Variants in GFRA1 observed in about 807,000 individuals in gnomAD.
GFRA1 encodes the protein GDNF family receptor alpha-1.
Under a neutral mutation model 51.6 loss-of-function variants are expected in GFRA1, and 16 were observed. The ratio of observed to expected loss-of-function variants is 0.31; its 90% CI spans 0.21 to 0.47. The LOEUF is 0.47. Ranked by LOEUF, GFRA1 falls within the 20% of genes least tolerant of loss-of-function variation. The probability of loss-of-function intolerance (pLI) is 1.00; values close to 1 mark genes in which losing one functional copy is unlikely to be tolerated. For synonymous variants in GFRA1, 270 were observed against 241.3 expected (o/e 1.12, Z -1.10); for missense variants, 530 against 594.3 (o/e 0.89, Z 1.13).
intron 4 of GFRA1, among the ~76,000 whole-genome samples, chr10:116,240,353 A>T (rs1186563366): frequency 2.0e-5 from 3 of 152,162 alleles, no homozygotes; most frequent in Non-Finnish European, 2.9e-5. Context: ...CCTGTAGCTC[A>T]GCTGGCGCTC....
At chr10:116,207,628 C>A (rs1013750562) in intron 5 of GFRA1, among the ~76,000 whole-genome samples, 2 of 151,120 alleles carry the variant, frequency 1.3e-5, no homozygotes, top group Non-Finnish European at 2.9e-5. Flanking sequence ...ATATATATAT[C>A]ATATGCATGT....
Position 116,270,924 on chromosome 10 carries a change from C to A in GFRA1, c.232G>T (p.Ala78Ser). 6.2e-7 allele frequency: 1 copy of A among 1,614,158 alleles called. No homozygotes were observed. Among genetic ancestry groups the A allele is most frequent in the Non-Finnish European group, 8.5e-7 (1 of 1,180,030 alleles). ...TTGTAGAGCGACTTCTGCTTCAGGGCCTCCATGGCGCTGCGGCACTCATCC... is the reference window on the plus strand; with the variant it reads ...TTGTAGAGCGACTTCTGCTTCAGGGACTCCATGGCGCTGCGGCACTCATCC... ...AKDECRSAME[A>S]LKQKSLYNCR... Residue 78 changes from alanine (A) to serine (S), a missense_variant, in exon 3 of 11, where the codon GCC becomes TCC. Ala to Ser is a moderately conservative substitution (Grantham distance 99). Coordinates refer to ENST00000355422, the MANE Select transcript of GFRA1 (RefSeq NM_005264.8).
intron 5 of GFRA1, among the ~76,000 whole-genome samples, chr10:116,206,945 T>G (rs530222756): frequency 1.3e-5 from 2 of 152,334 alleles, no homozygotes; most frequent in East Asian, 3.9e-4. Context: ...AACCACATTC[T>G]TTTAACCTTA....
At chr10:116,070,647 T>G (rs1416626068) in intron 9 of GFRA1, among the ~76,000 whole-genome samples, 1 of 152,080 alleles carries the variant, frequency 6.6e-6, no homozygotes, top group East Asian at 1.9e-4. Flanking sequence ...ATTGTGTACG[T>G]GATACCAATT....
At chr10:116,078,453 CCA>C (rs1426835334) in intron 9 of GFRA1, among the ~76,000 whole-genome samples, 1 of 152,096 alleles carries the variant, frequency 6.6e-6, no homozygotes, top group Admixed American at 6.5e-5. Flanking sequence ...AGCAGGTTCA[CCA>C]CACAGGGCCT....
chr10:116,101,267 A>G (rs1187708443), intron 6 of GFRA1, among the ~76,000 whole-genome samples: 2 of 152,246 alleles, frequency 1.3e-5, no homozygotes, highest in Non-Finnish European at 2.9e-5. Context: ...TATGGGATTA[A>G]CAAAGAAACT....
intron 5 of GFRA1, among the ~76,000 whole-genome samples, chr10:116,155,072 T>G (rs1048148350): frequency 6.6e-6 from 1 of 152,200 alleles, no homozygotes; most frequent in Non-Finnish European, 1.5e-5. Flanking sequence ...TAGTCCCATT[T>G]AAAAATAATG....
At chr10:116,191,851 A>T (rs1481836491) in intron 5 of GFRA1, among the ~76,000 whole-genome samples, 1 of 151,898 alleles carries the variant, frequency 6.6e-6, no homozygotes, top group Non-Finnish European at 1.5e-5. Flanking sequence ...ACATGGTGAA[A>T]CCCCATCTCT....
At chr10:116,235,138 G>A (rs1966852561) in intron 4 of GFRA1, among the ~76,000 whole-genome samples, 1 of 152,112 alleles carries the variant, frequency 6.6e-6, no homozygotes, top group Non-Finnish European at 1.5e-5. Flanking sequence ...TGTGGCACCA[G>A]ATCAACTGAG....
At position 116,267,973 on chromosome 10, in the gene GFRA1, A is replaced by T. The variant is rs904498809; in HGVS notation, c.418+1530T>A. Among the ~76,000 whole-genome samples, 3 of 140,544 alleles carry T rather than the reference A, an allele frequency of 2.1e-5. No individual in the cohort carries two copies. In the Admixed American group the frequency reaches 2.2e-4, roughly 10 times the overall value. The allele number at this position is 140,544 out of a possible 152,430, so 92.2% of individuals were successfully genotyped here. A position where few individuals can be genotyped will look rare whatever the true frequency, so the allele number is the denominator to read the frequency against. On this transcript the variant is annotated intron_variant, in intron 4 of 10. Transcript: ENST00000355422. Reference sequence around the variant, plus strand: ...CACACACACACACACACACACACACACACTTTTCCTCTGAAGGAAAAGACA... The same window carrying T: ...CACACACACACACACACACACACACTCACTTTTCCTCTGAAGGAAAAGACA...
upstream of GFRA1, among the ~76,000 whole-genome samples, chr10:116,274,179 C>T (rs1395038746): frequency 6.8e-6 from 1 of 146,416 alleles, no homozygotes; most frequent in Admixed American, 6.7e-5. Flanking sequence ...CCCCCCACGC[C>T]TGACACACGC....
chr10:116,187,429 TAACA>T (rs967445857), intron 5 of GFRA1, among the ~76,000 whole-genome samples: 25 of 152,244 alleles, frequency 1.6e-4, no homozygotes, highest in African/African-American at 6.0e-4. Flanking sequence ...CTTCTAAAAC[TAACA>T]GTCTAAGACA....
chr10:116,139,016 G>A (rs1958451426), intron 5 of GFRA1, among the ~76,000 whole-genome samples: 2 of 152,156 alleles, frequency 1.3e-5, no homozygotes, highest in Non-Finnish European at 2.9e-5. Flanking sequence ...CACAGGAATT[G>A]CGGAGTAAAT....
intron 5 of GFRA1, among the ~76,000 whole-genome samples, chr10:116,186,750 C>G (rs1301399998): frequency 6.6e-6 from 1 of 152,036 alleles, no homozygotes; most frequent in East Asian, 1.9e-4. Flanking sequence ...GTGAACATAA[C>G]ATAAAAGAAA....
intron 4 of GFRA1, among the ~76,000 whole-genome samples, chr10:116,242,674 G>T (rs1177496105): frequency 1.3e-5 from 2 of 151,874 alleles, no homozygotes; most frequent in Non-Finnish European, 2.9e-5. Flanking sequence ...TAGAGATGGG[G>T]TTTCACTATG....
At chr10:116,110,629 C>A (rs1957170836) in intron 6 of GFRA1, among the ~76,000 whole-genome samples, 1 of 152,190 alleles carries the variant, frequency 6.6e-6, no homozygotes, top group African/African-American at 2.4e-5. Context: ...CATGCAGGAA[C>A]CCAGGACAGA....
intron 9 of GFRA1, 99 bp from the exon 10 acceptor site, chr10:116,065,725 T>C (rs1053829274): frequency 3.8e-5 from 33 of 870,320 alleles, no homozygotes; most frequent in Admixed American, 1.5e-4. Context: ...CTCTGATAAA[T>C]ATGTGAGACA....
At chr10:116,100,379 G>A (rs1589788643) in intron 6 of GFRA1, among the ~76,000 whole-genome samples, 1 of 152,204 alleles carries the variant, frequency 6.6e-6, no homozygotes, top group East Asian at 1.9e-4. Context: ...CTAGGTTGCA[G>A]AACTCTGTGA....
chr10:116,241,826 A>G (rs371498727), intron 4 of GFRA1, among the ~76,000 whole-genome samples: 25 of 152,160 alleles, frequency 1.6e-4, no homozygotes, highest in African/African-American at 4.8e-4. Flanking sequence ...CAACACTAAG[A>G]ATAGGAGAAT....
Sources: allele counts gnomAD v4.1 joint callset (sites outside exome capture counted in the v4.1 genomes callset), GRCh38; gene constraint gnomAD v4.1.1; transcripts MANE v1.5; gene names NCBI Gene and HGNC (gene_info 2026-07-23, HGNC 2026-07-21).